Variants in LOXL2 observed in about 807,000 individuals in gnomAD.
The protein encoded by LOXL2 is lysyl oxidase like 2, also known as lysyl oxidase homolog 2.
Under a neutral mutation model 93.0 loss-of-function variants are expected in LOXL2, and 70 were observed. The observed-to-expected ratio is 0.75, with a 90% CI of 0.62 to 0.92. LOXL2 has a LOEUF of 0.92. Among genes scored for constraint, LOXL2 ranks in the 40% least tolerant of loss-of-function variants. The pLI, the probability that LOXL2 is intolerant of heterozygous loss-of-function variation, is 0.00. For synonymous variants in LOXL2, 438 were observed against 413.2 expected (o/e 1.06, Z -0.73); for missense variants, 973 against 1,054.9 (o/e 0.92, Z 1.08).
intron 2 of LOXL2, chr8:23,365,161 C>T (rs976007643): frequency 2.6e-5 from 4 of 152,386 alleles, no homozygotes; most frequent in Admixed American, 6.5e-5. Context: ...CCTGGTTTCA[C>T]TGCTCCAGCC....
intron 3 of LOXL2, among the ~76,000 whole-genome samples, chr8:23,348,244 C>T (rs1341009987): frequency 1.0e-4 from 10 of 96,536 alleles, no homozygotes; most frequent in Admixed American, 7.9e-4. Flanking sequence ...CATCACACAC[C>T]GGGGCCTGTC....
At chr8:23,307,995 A>G (rs1211924398) in intron 10 of LOXL2, among the ~76,000 whole-genome samples, 1 of 145,788 alleles carries the variant, frequency 6.9e-6, no homozygotes, top group Non-Finnish European at 1.5e-5. Flanking sequence ...ATTTCTGATG[A>G]AGAGTCAGCA....
intron 4 of LOXL2, among the ~76,000 whole-genome samples, 176 bp downstream of exon 4, chr8:23,340,816 C>G (rs888567489): frequency 6.6e-6 from 1 of 152,166 alleles, no homozygotes; most frequent in Non-Finnish European, 1.5e-5. Flanking sequence ...TGCCACGGGG[C>G]ACCCTTGAAC....
intron 1 of LOXL2, among the ~76,000 whole-genome samples, chr8:23,402,269 A>G (rs1014229599): frequency 7.2e-5 from 11 of 152,046 alleles, no homozygotes; most frequent in African/African-American, 2.7e-4. Context: ...GGAGACACAC[A>G]CATGCACACA....
chr8:23,353,158 G>A (rs567488641), intron 3 of LOXL2, among the ~76,000 whole-genome samples: 2 of 152,268 alleles, frequency 1.3e-5, no homozygotes, highest in East Asian at 3.9e-4. Flanking sequence ...CAGCCGGGGA[G>A]CAGAGGTTTA....
chr8:23,330,863 C>T (rs1006387947), intron 5 of LOXL2, among the ~76,000 whole-genome samples: 3 of 152,022 alleles, frequency 2.0e-5, no homozygotes, highest in Non-Finnish European at 4.4e-5. Context: ...GCTGTCCAGG[C>T]GTGTCCTGGA....
At chr8:23,383,333 G>A (rs1306967586) in intron 1 of LOXL2, among the ~76,000 whole-genome samples, 2 of 152,110 alleles carry the variant, frequency 1.3e-5, no homozygotes, top group Non-Finnish European at 2.9e-5. Flanking sequence ...GTGTGTGTGT[G>A]TGTATGATGG....
At chr8:23,389,818 C>T (rs1563209968) in intron 1 of LOXL2, among the ~76,000 whole-genome samples, 1 of 152,134 alleles carries the variant, frequency 6.6e-6, no homozygotes, top group Non-Finnish European at 1.5e-5. Flanking sequence ...CGGCAGGCCC[C>T]CAGTAAATAG....
intron 9 of LOXL2, among the ~76,000 whole-genome samples, chr8:23,313,348 A>C (rs1803346215): frequency 6.6e-6 from 1 of 152,088 alleles, no homozygotes; most frequent in African/African-American, 2.4e-5. Context: ...AGTCAATCGT[A>C]AGCCAAAAGA....
intron 1 of LOXL2, among the ~76,000 whole-genome samples, chr8:23,397,934 C>A (rs1226589157): frequency 7.1e-6 from 1 of 141,254 alleles, no homozygotes; most frequent in African/African-American, 2.7e-5. Flanking sequence ...GCACTCCAGC[C>A]TGGGTGACAG....
At chr8:23,325,138 G>T (rs1563190576) in intron 6 of LOXL2, among the ~76,000 whole-genome samples, 1 of 152,122 alleles carries the variant, frequency 6.6e-6, no homozygotes, top group East Asian at 1.9e-4. Flanking sequence ...CACCAAATAT[G>T]CAAATGATCT....
chr8:23,368,771 C>T (rs760540498), intron 1 of LOXL2, among the ~76,000 whole-genome samples: 21 of 152,224 alleles, frequency 1.4e-4, no homozygotes, highest in East Asian at 9.7e-4. Context: ...CTAGGGCTGG[C>T]GACTCAGAGG....
At chr8:23,397,344 A>T (rs1563211931) in intron 1 of LOXL2, among the ~76,000 whole-genome samples, 1 of 152,148 alleles carries the variant, frequency 6.6e-6, no homozygotes, top group Non-Finnish European at 1.5e-5. Context: ...GAAAATAGTT[A>T]AGATGGTGAG....
chr8:23,361,864 CAAACA>C (rs1283478544), intron 2 of LOXL2, among the ~76,000 whole-genome samples: 20 of 109,706 alleles, frequency 1.8e-4, no homozygotes, highest in East Asian at 1.4e-3. Flanking sequence ...CAAAACAAAA[CAAACA>C]AAAAAAACAG....
At chr8:23,390,099 T>A (rs748055072) in intron 1 of LOXL2, among the ~76,000 whole-genome samples, 1 of 152,114 alleles carries the variant, frequency 6.6e-6, no homozygotes. Flanking sequence ...GTGGGGTCTC[T>A]CTCCTCCATC....
intron 2 of LOXL2, chr8:23,364,576 C>T (rs1804366494): frequency 6.8e-6 from 1 of 148,018 alleles, no homozygotes; most frequent in African/African-American, 2.4e-5. Flanking sequence ...TGGGTCACGC[C>T]TGTAATCCTA....
chr8:23,388,933 C>T (rs1278440431), intron 1 of LOXL2, among the ~76,000 whole-genome samples: 1 of 152,134 alleles, frequency 6.6e-6, no homozygotes, highest in Non-Finnish European at 1.5e-5. Context: ...CTTGAACTTA[C>T]TCAAGGTTCT....
At chr8:23,383,684 A>G (rs188000856) in intron 1 of LOXL2, among the ~76,000 whole-genome samples, 17,473 of 124,100 alleles carry the variant, frequency 0.14, 1,396 homozygotes, top group Admixed American at 0.22. Context: ...TTTTTGAGAC[A>G]GAGTCTTGCT....
intron 3 of LOXL2, among the ~76,000 whole-genome samples, chr8:23,356,953 C>T (rs1404481422): frequency 6.6e-6 from 1 of 152,170 alleles, no homozygotes; most frequent in Admixed American, 6.5e-5. Context: ...CTGCTGGTAT[C>T]CCAAACCAGC....
Sources: allele counts gnomAD v4.1 joint callset (sites outside exome capture counted in the v4.1 genomes callset), GRCh38; gene constraint gnomAD v4.1.1; transcripts MANE v1.5; gene names NCBI Gene and HGNC (gene_info 2026-07-23, HGNC 2026-07-21).